PCDH19: variants seen among roughly 807,000 people sequenced by gnomAD.
PCDH19 encodes the protein protocadherin-19.
A neutral mutation model predicts 46.2 loss-of-function variants in PCDH19; 6 were observed. The ratio of observed to expected loss-of-function variants is 0.13; its 90% CI spans 0.07 to 0.26. PCDH19 has a LOEUF of 0.26. PCDH19 is among the 10% of genes least tolerant of loss of function. PCDH19 has a pLI of 1.00. For missense variants in PCDH19, 740 were observed against 972.3 expected (o/e 0.76, Z 3.18); for synonymous variants, 481 against 415.7 (o/e 1.16, Z -1.91).
chrX:100,342,458 T>C (rs1403080612), intron 4 of PCDH19, among the ~76,000 whole-genome samples: 2 of 112,271 alleles, frequency 1.8e-5, no homozygotes, highest in African/African-American at 6.5e-5. Flanking sequence ...CGTGAGGCAC[T>C]GTTTTAAGTG....
intron 3 of PCDH19, among the ~76,000 whole-genome samples, chrX:100,367,643 C>T (rs2147506192): frequency 9.0e-6 from 1 of 111,422 alleles, no homozygotes; most frequent in South Asian, 3.9e-4. Context: ...TTTGCAGGGC[C>T]AATAATCCCA....
intron 1 of PCDH19, among the ~76,000 whole-genome samples, chrX:100,403,924 T>A (rs1928269685): frequency 8.9e-6 from 1 of 112,291 alleles, no homozygotes; most frequent in Admixed American, 9.4e-5. Flanking sequence ...TTCTGGGCAA[T>A]AATCAGCAAA....
rs190537988 is a variant in PCDH19, at chrX:100,344,530, A to G, written c.2676-2455T>C. ...TGGAGAAAGGAAATGACCTGCCTGG[A>G]TGATATTCAGGTCCATTTTTATAAC... On this transcript the variant is annotated intron_variant, in intron 4 of 5. Coordinates refer to ENST00000373034, the MANE Select transcript of PCDH19 (RefSeq NM_001184880.2). Among the ~76,000 whole-genome samples the G allele has an allele frequency of 9.1e-5, 10 of 109,297 alleles. No homozygotes were observed. In the Admixed American group the frequency reaches 1.0e-3, roughly 11 times the overall value. 94.9% of individuals were successfully genotyped at this position (109,297 alleles called of 115,157 possible).
intron 5 of PCDH19, among the ~76,000 whole-genome samples, chrX:100,308,438 G>A (rs1011547221): frequency 3.6e-5 from 4 of 111,377 alleles, no homozygotes; most frequent in African/African-American, 9.8e-5. Context: ...AAATTCTAAA[G>A]GTAACATCGG....
intron 5 of PCDH19, among the ~76,000 whole-genome samples, chrX:100,307,631 G>A (rs904603602): frequency 9.0e-6 from 1 of 111,123 alleles, no homozygotes; most frequent in Non-Finnish European, 1.9e-5. Flanking sequence ...TGATATGATC[G>A]TATATCTAGA....
chrX:100,358,293 G>A, intron 3 of PCDH19, among the ~76,000 whole-genome samples: 1 of 111,911 alleles, frequency 8.9e-6, no homozygotes, highest in Non-Finnish European at 1.9e-5. Flanking sequence ...TTTTCTACAG[G>A]TGGTAAACAA....
rs767233293 is a variant in PCDH19 at position 100,321,464 on chromosome X, T to C, written c.2848+20439A>G. ...TTGACTTTTTGATTATGGCCATTCTTGCAGGAGTAAGGTGGTACCGCATTG... is the reference window on the plus strand; with the variant it reads ...TTGACTTTTTGATTATGGCCATTCTCGCAGGAGTAAGGTGGTACCGCATTG... On this transcript the variant is annotated intron_variant, in intron 5 of 5. Transcript: ENST00000373034. Among the ~76,000 whole-genome samples, 2 of 112,188 alleles carry C rather than the reference T, an allele frequency of 1.8e-5. 1 individual carries two copies. Among genetic ancestry groups the C allele is most frequent in the African/African-American group, 6.5e-5 (2 of 30,896 alleles).
intron 5 of PCDH19, among the ~76,000 whole-genome samples, chrX:100,330,422 C>G (rs1925841112): frequency 8.9e-6 from 1 of 112,111 alleles, no homozygotes; most frequent in African/African-American, 3.2e-5. Flanking sequence ...GGAAAAGCGA[C>G]CACAGAAATT....
intron 3 of PCDH19, among the ~76,000 whole-genome samples, chrX:100,396,794 T>C (rs1381331995): frequency 9.0e-6 from 1 of 111,606 alleles, no homozygotes; most frequent in African/African-American, 3.3e-5. Flanking sequence ...TAAGATACAA[T>C]GTAGGCAATG....
intron 3 of PCDH19, among the ~76,000 whole-genome samples, chrX:100,389,032 A>G (rs1927792544): frequency 1.8e-5 from 2 of 110,863 alleles, no homozygotes; most frequent in South Asian, 7.5e-4. Flanking sequence ...TTCATTTTAC[A>G]TTTTTTATAT....
chrX:100,343,037 T>C (rs562215920), intron 4 of PCDH19, among the ~76,000 whole-genome samples: 3 of 112,097 alleles, frequency 2.7e-5, no homozygotes, highest in African/African-American at 9.7e-5. Flanking sequence ...ATCCAATCCA[T>C]TGAAGGACTG....
intron 3 of PCDH19, among the ~76,000 whole-genome samples, chrX:100,394,780 A>T (rs1052557380): frequency 8.9e-6 from 1 of 112,259 alleles, no homozygotes. Flanking sequence ...ATCAAACAGG[A>T]AGGCTAACCA....
At chrX:100,307,303 C>T (rs749737558) in intron 5 of PCDH19, among the ~76,000 whole-genome samples, 4 of 111,941 alleles carry the variant, frequency 3.6e-5, no homozygotes, top group African/African-American at 1.3e-4. Flanking sequence ...ATCACATGAT[C>T]ATCTCAATGG....
chrX:100,396,316 C>T (rs1354663499), intron 3 of PCDH19, among the ~76,000 whole-genome samples: 3 of 112,045 alleles, frequency 2.7e-5, no homozygotes, highest in Non-Finnish European at 3.8e-5. Context: ...GCACAATAAG[C>T]CCAAGCCACA....
intron 3 of PCDH19, among the ~76,000 whole-genome samples, chrX:100,376,223 G>GA (rs1357900028): frequency 1.6e-4 from 12 of 74,952 alleles, no homozygotes; most frequent in Non-Finnish European, 2.2e-4. Flanking sequence ...CAACAAGAGT[G>GA]AAACTCCGTC....
intron 4 of PCDH19, among the ~76,000 whole-genome samples, chrX:100,344,722 T>C (rs1926346512): frequency 1.0e-5 from 1 of 98,564 alleles, no homozygotes; most frequent in Non-Finnish European, 2.0e-5. Context: ...GGCAATGTAA[T>C]TAACCAGCCC....
rs1924586031 is a variant in PCDH19, at chrX:100,295,971, A to C, written c.*306T>G. 1 of 250,168 alleles carries C rather than the reference A, an allele frequency of 4.0e-6. No individual in the cohort carries two copies. Among genetic ancestry groups the C allele is most frequent in the Non-Finnish European group, 7.1e-6 (1 of 141,653 alleles). 20.6% of individuals were successfully genotyped at this position (250,168 alleles called of 1,213,427 possible). On this transcript the variant is annotated 3_prime_UTR_variant, in exon 6 of 6. Transcript: ENST00000373034. ...GTAATTTATATTATAATTTTGACAT[A>C]GAAAAATATATAAATTCAAACACTT...
chrX:100,337,684 G>A (rs936842742), intron 5 of PCDH19, among the ~76,000 whole-genome samples: 3 of 111,744 alleles, frequency 2.7e-5, no homozygotes, highest in African/African-American at 9.8e-5. Context: ...CTGAGCTCAC[G>A]AATGTGTCTG....
At chrX:100,348,019 T>A (rs1432409305) in intron 4 of PCDH19, among the ~76,000 whole-genome samples, 1 of 86,332 alleles carries the variant, frequency 1.2e-5, no homozygotes, top group African/African-American at 4.8e-5. Flanking sequence ...TGAGCCAAGA[T>A]CACACCACTG....
Sources: allele counts gnomAD v4.1 joint callset (sites outside exome capture counted in the v4.1 genomes callset), GRCh38; gene constraint gnomAD v4.1.1; transcripts MANE v1.5; gene names NCBI Gene and HGNC (gene_info 2026-07-23, HGNC 2026-07-21).